Variants in DIXDC1 observed in about 807,000 individuals in gnomAD.
DIXDC1 encodes the protein DIX domain containing 1, also known as dixin.
In DIXDC1, 64 loss-of-function variants were observed where a neutral mutation model predicts 103.1. The observed-to-expected ratio is 0.62, with a 90% CI of 0.51 to 0.76. The LOEUF (loss-of-function observed/expected upper bound fraction) is 0.76. DIXDC1 is among the 30% of genes least tolerant of loss of function. The probability of loss-of-function intolerance (pLI) is 0.00; values close to 1 mark genes in which losing one functional copy is unlikely to be tolerated. For synonymous variants in DIXDC1, 266 were observed against 298.5 expected, an observed-to-expected ratio of 0.89 and a Z score of 1.12; for missense variants, 759 against 834.2, an observed-to-expected ratio of 0.91 and a Z score of 1.11.
chr11:111,995,560 G>A lies in DIXDC1; in HGVS notation c.1685G>A (p.Arg562Lys). 6.2e-7 allele frequency: 1 copy of A among 1,613,894 alleles called. No individual in the cohort carries two copies. Among genetic ancestry groups the A allele is most frequent in the Non-Finnish European group, 8.5e-7 (1 of 1,179,900 alleles). ...HVMETQKKQE[R>K]KVRVKSPRTQ... ...ATGGAGACGCAGAAGAAACAAGAAA[G>A]AAAGGTAACCCTCTTGCTGTGGTAT... Residue 562 changes from arginine to lysine, a missense_variant, in exon 16 of 20, where the codon AGA becomes AAA. Arg to Lys is a conservative substitution (Grantham distance 26, BLOSUM62 2). Coordinates refer to ENST00000440460, the MANE Select transcript of DIXDC1 (RefSeq NM_001037954.4).
chr11:112,012,584 A>G (rs1353433712), intron 17 of DIXDC1, among the ~76,000 whole-genome samples: 4 of 152,234 alleles, frequency 2.6e-5, no homozygotes, highest in Admixed American at 1.3e-4. Context: ...CTTATAAGCT[A>G]TAACTATTAA....
At chr11:111,931,158 C>A (rs1384930479) in intron 2 of DIXDC1, among the ~76,000 whole-genome samples, 3 of 151,580 alleles carry the variant, frequency 2.0e-5, no homozygotes, top group East Asian at 3.9e-4. Flanking sequence ...CTGGCCGAGA[C>A]CCCCCCTTTC....
upstream of DIXDC1, among the ~76,000 whole-genome samples, chr11:111,935,756 A>G (rs1278358781): frequency 6.6e-6 from 1 of 152,212 alleles, no homozygotes; most frequent in Non-Finnish European, 1.5e-5. Context: ...ATTATGAAGG[A>G]CAGTGGTCTT....
intron 7 of DIXDC1, 81 bp from the exon 8 acceptor site, chr11:111,985,151 G>T: frequency 9.0e-7 from 1 of 1,117,118 alleles, no homozygotes; most frequent in Non-Finnish European, 1.3e-6. Flanking sequence ...ATTTTAACTT[G>T]GGGTGAGCTT....
At chr11:111,988,301 T>C (rs1351531729) in intron 9 of DIXDC1, among the ~76,000 whole-genome samples, 3 of 152,202 alleles carry the variant, frequency 2.0e-5, no homozygotes, top group South Asian at 2.1e-4. Flanking sequence ...CCCAGCCTAA[T>C]AGAGCAACTT....
At chr11:111,970,627 A>G (rs1555171970) in intron 3 of DIXDC1, among the ~76,000 whole-genome samples, 1 of 149,756 alleles carries the variant, frequency 6.7e-6, no homozygotes, top group Non-Finnish European at 1.5e-5. Flanking sequence ...GCGCCACTAC[A>G]CTCCAGCCTG....
At chr11:111,990,242 C>G (rs1860659999) in intron 10 of DIXDC1, among the ~76,000 whole-genome samples, 2 of 151,936 alleles carry the variant, frequency 1.3e-5, no homozygotes, top group African/African-American at 4.8e-5. Context: ...AGGTGCGCAC[C>G]ATCACACCCA....
chr11:112,014,382 A>G (rs1555177503), intron 17 of DIXDC1, among the ~76,000 whole-genome samples: 2 of 152,228 alleles, frequency 1.3e-5, no homozygotes, highest in African/African-American at 4.8e-5. Context: ...TGTATTCATT[A>G]TGCTCCAGCC....
chr11:112,004,912 T>A (rs138345758), intron 17 of DIXDC1, among the ~76,000 whole-genome samples: 54 of 152,360 alleles, frequency 3.5e-4, no homozygotes, highest in African/African-American at 1.1e-3. Context: ...TCTAAACAGA[T>A]ACTTTTACCT....
In DIXDC1 at chr11:112,021,403, G is replaced by A. The variant is rs1861754007; in HGVS notation, c.*2367G>A. ...CTCATTCCAGTTTCCAAAGCGAGAG[G>A]AGCCTTCTGAGCAGAAGTATGCAAG... is the stretch of plus-strand genomic sequence containing the variant. On this transcript the variant is annotated 3_prime_UTR_variant, in exon 20 of 20. Coordinates refer to ENST00000440460, the MANE Select transcript of DIXDC1 (RefSeq NM_001037954.4). 6.6e-6 allele frequency: 1 copy of A among 152,188 alleles called. No homozygotes were observed. The highest frequency in any genetic ancestry group is 1.5e-5 in the Non-Finnish European group (1 of 68,052). The allele number at this position is 152,188 out of a possible 1,614,324, so 9.4% of individuals were successfully genotyped here.
Position 112,019,150 on chromosome 11 carries a change from C to A in DIXDC1, c.*114C>A. ...GAAGTTTCTAGTTTGTGTGCCAAAA[C>A]AGAAGCTTCTCCAAGCATGATGGCC... is the stretch of plus-strand genomic sequence containing the variant. On this transcript the variant is annotated 3_prime_UTR_variant, in exon 20 of 20. Transcript: ENST00000440460. 1.2e-6 allele frequency: 1 copy of A among 840,078 alleles called. No individual in the cohort carries two copies. Among genetic ancestry groups the A allele is most frequent in the Non-Finnish European group, 1.9e-6 (1 of 528,492 alleles). The allele number at this position is 840,078 out of a possible 1,614,324, so 52.0% of individuals were successfully genotyped here. A position where few individuals can be genotyped will look rare whatever the true frequency, so the allele number is the denominator to read the frequency against.
At chr11:111,970,149 A>G (rs1859867722) in intron 3 of DIXDC1, among the ~76,000 whole-genome samples, 1 of 152,142 alleles carries the variant, frequency 6.6e-6, no homozygotes, top group South Asian at 2.1e-4. Flanking sequence ...TCCGCCTCCT[A>G]GGTTCAGCTG....
upstream of DIXDC1, among the ~76,000 whole-genome samples, chr11:111,933,165 G>A (rs1227356258): frequency 6.6e-6 from 1 of 152,158 alleles, no homozygotes; most frequent in Non-Finnish European, 1.5e-5. Flanking sequence ...TTACGCTCTT[G>A]TTGCCCAGGC....
intron 2 of DIXDC1, 145 bp downstream of exon 2, chr11:111,964,823 G>T: frequency 9.6e-7 from 1 of 1,040,312 alleles, no homozygotes; most frequent in Non-Finnish European, 1.3e-6. Context: ...CTTGCCCAAG[G>T]TTAATTCATT....
At chr11:111,994,888 A>G (rs1178370408) in intron 14 of DIXDC1, 131 bp from the exon 15 acceptor site, 3 of 864,970 alleles carry the variant, frequency 3.5e-6, no homozygotes, top group South Asian at 3.5e-5. Flanking sequence ...ATACATTCTA[A>G]TAAAGAGAGC....
chr11:111,977,147 TCCCCAC>T lies in DIXDC1; in HGVS notation c.656+2172_656+2177del. 1 of 545,330 alleles carries T rather than the reference TCCCCAC, an allele frequency of 1.8e-6. No homozygotes were observed. The highest frequency in any genetic ancestry group is 2.3e-6 in the Non-Finnish European group (1 of 427,672). The allele number at this position is 545,330 out of a possible 1,614,324, so 33.8% of individuals were successfully genotyped here. ...CGCATCCCCCAACCCCTCGTCGACG[TCCCCAC>T]CCCCACCTCCACCCCGCCCAGCCCC... On this transcript the variant is annotated intron_variant, in intron 5 of 19. Coordinates refer to ENST00000440460, the MANE Select transcript of DIXDC1 (RefSeq NM_001037954.4). The surrounding 1 kb of genome is among the most constrained non-coding windows in gnomAD (Gnocchi z 6.1).
At chr11:112,013,106 G>A (rs1489628010) in intron 17 of DIXDC1, among the ~76,000 whole-genome samples, 1 of 152,134 alleles carries the variant, frequency 6.6e-6, no homozygotes, top group Non-Finnish European at 1.5e-5. Context: ...GTTTTGGTGA[G>A]GGCTCCTTGC....
intron 1 of DIXDC1, among the ~76,000 whole-genome samples, chr11:111,949,356 T>G (rs1167341628): frequency 5.9e-5 from 9 of 152,234 alleles, no homozygotes; most frequent in Admixed American, 1.3e-4. Flanking sequence ...TTGTTCTTCA[T>G]GTCTTCTCCA....
Position 111,977,627 on chromosome 11 carries a change from T to G in DIXDC1, c.656+2644T>G, listed in dbSNP as rs1386975299. On this transcript the variant is annotated intron_variant, in intron 5 of 19. Transcript: ENST00000440460. The surrounding 1 kb of genome is among the most constrained non-coding windows in gnomAD (Gnocchi z 6.1). ...CGCTTTCTCCCGCGAGCCGGGCCAG[T>G]AGCTTTGCTAGCTGGCCTTCCCGTG... 1 of 1,540,012 alleles carries G rather than the reference T, an allele frequency of 6.5e-7. No individual in the cohort carries two copies. The highest frequency in any genetic ancestry group is 1.4e-5 in the African/African-American group (1 of 72,268).
Sources: gnomAD v4.1 joint callset for allele counts (sites outside exome capture counted in the v4.1 genomes callset) on GRCh38, gnomAD v4.1.1 for gene constraint, Gnocchi (gnomAD v3.1) non-coding constraint, MANE v1.5 for transcripts, NCBI Gene and HGNC (gene_info 2026-07-23, HGNC 2026-07-21) for gene names.